CNOT4: variants seen among roughly 807,000 people sequenced by gnomAD.
CNOT4 encodes the protein CCR4-associated factor 4.
A neutral mutation model predicts 73.8 loss-of-function variants in CNOT4; 8 were observed. The observed-to-expected ratio is 0.11, with a 90% CI of 0.06 to 0.20. CNOT4 has a LOEUF of 0.20. Ranked by LOEUF, CNOT4 falls within the 10% of genes least tolerant of loss-of-function variation. The probability of loss-of-function intolerance (pLI) is 1.00; values close to 1 mark genes in which losing one functional copy is unlikely to be tolerated. For missense variants in CNOT4, 564 were observed against 883.4 expected (o/e 0.64, Z 4.58); for synonymous variants, 293 against 321.1 (o/e 0.91, Z 0.94).
At chr7:135,399,716 G>A (rs1394604164) in intron 7 of CNOT4, among the ~76,000 whole-genome samples, 2 of 152,016 alleles carry the variant, frequency 1.3e-5, no homozygotes, top group East Asian at 3.9e-4. Flanking sequence ...TGAATCCCAG[G>A]TGCATCTTCT....
intron 2 of CNOT4, among the ~76,000 whole-genome samples, chr7:135,433,060 G>A (rs941378555): frequency 1.9e-4 from 29 of 152,178 alleles, no homozygotes; most frequent in African/African-American, 7.0e-4. Context: ...AATATTCTTC[G>A]ATCATATTCT....
In CNOT4 at chr7:135,395,737, G is replaced by A; in HGVS notation, c.1026C>T (p.Arg342=). Residue 342 remains arginine (R), a synonymous_variant, in exon 9 of 12, where the codon CGC becomes CGT. Transcript: ENST00000541284. ...GCCCACTTGGGATAGGGTTGGGATG[G>A]CGAAAATTGTCTGAGAATAACGACT... The part of the protein sequence containing the change: ...ESQSLFSDNF[R]HPNPIPSGLP... The A allele has an allele frequency of 8.1e-6, 13 of 1,614,100 alleles. No individual in the cohort carries two copies. Among genetic ancestry groups the A allele is most frequent in the South Asian group, 1.1e-5 (1 of 91,084 alleles).
intron 1 of CNOT4, among the ~76,000 whole-genome samples, chr7:135,470,074 C>A (rs1209576560): frequency 2.0e-5 from 3 of 152,026 alleles, no homozygotes; most frequent in African/African-American, 7.3e-5. Context: ...CCACCCTCCT[C>A]AGCCTCCCAA....
intron 1 of CNOT4, among the ~76,000 whole-genome samples, chr7:135,504,483 T>A (rs1563088768): frequency 1.7e-5 from 1 of 58,328 alleles, no homozygotes; most frequent in Non-Finnish European, 3.5e-5. Flanking sequence ...TTTTTTTTTT[T>A]TTTTTTATTT....
intron 1 of CNOT4, among the ~76,000 whole-genome samples, chr7:135,484,330 A>G (rs1471521671): frequency 6.6e-6 from 1 of 152,198 alleles, no homozygotes; most frequent in African/African-American, 2.4e-5. Flanking sequence ...ACAAGAAAAT[A>G]AAAGGCAAAC....
chr7:135,376,954 T>A (rs1385694658), intron 10 of CNOT4, among the ~76,000 whole-genome samples: 1 of 152,170 alleles, frequency 6.6e-6, no homozygotes, highest in Non-Finnish European at 1.5e-5. Context: ...CAGAAAATGA[T>A]ATAACTTCAT....
chr7:135,362,745 G>C lies in CNOT4; in HGVS notation c.*140C>G. 1.2e-6 allele frequency: 1 copy of C among 832,024 alleles called. No individual in the cohort carries two copies. The highest frequency in any genetic ancestry group is 2.1e-6 in the Non-Finnish European group (1 of 475,862). 51.5% of individuals were successfully genotyped at this position (832,024 alleles called of 1,614,324 possible). On this transcript the variant is annotated 3_prime_UTR_variant, in exon 12 of 12. Coordinates refer to ENST00000541284, the MANE Select transcript of CNOT4 (RefSeq NM_001190850.2). The stretch of plus-strand genomic sequence containing the variant: ...TGACCCTGTGATCGCATTGCATCTG[G>C]GGTTAGGGAGAAAAAAAATTGATCA...
chr7:135,430,007 T>C (rs1256633002), intron 2 of CNOT4, among the ~76,000 whole-genome samples: 1 of 152,298 alleles, frequency 6.6e-6, no homozygotes, highest in East Asian at 1.9e-4. Context: ...GAGGTCTACA[T>C]ACAGGAATAT....
intron 1 of CNOT4, among the ~76,000 whole-genome samples, chr7:135,467,770 A>G (rs1334647474): frequency 6.6e-6 from 1 of 152,120 alleles, no homozygotes; most frequent in East Asian, 1.9e-4. Flanking sequence ...ATATCTGAGG[A>G]AACACAGTGT....
At chr7:135,443,120 G>A (rs1430684095) in intron 1 of CNOT4, among the ~76,000 whole-genome samples, 1 of 151,642 alleles carries the variant, frequency 6.6e-6, no homozygotes, top group East Asian at 1.9e-4. Flanking sequence ...GGAGGCCAAG[G>A]CAGATGGATC....
At chr7:135,389,157 C>CAAAAAAAAAAAAAAAAAAAAAAACAAA (rs11292254) in intron 10 of CNOT4, among the ~76,000 whole-genome samples, 1 of 83,670 alleles carries the variant, frequency 1.2e-5, no homozygotes, top group Non-Finnish European at 2.4e-5. Flanking sequence ...AACATACTAC[C>CAAAAAAAAAAAAAAAAAAAAAAACAAA]AAAAAAAAAA....
At chr7:135,444,799 A>G (rs1799716596) in intron 1 of CNOT4, 1 of 1,601,600 alleles carries the variant, frequency 6.2e-7, no homozygotes, top group South Asian at 1.1e-5. Flanking sequence ...GACTATGTTC[A>G]TGGGGATGCC....
chr7:135,490,176 T>G (rs3812295), intron 1 of CNOT4, among the ~76,000 whole-genome samples: 3,404 of 152,352 alleles, frequency 0.022, 124 homozygotes, highest in African/African-American at 0.07. Flanking sequence ...AGTATCAATT[T>G]CCCTTTTGCT....
rs1585709531 is a variant in CNOT4 at position 135,479,537 on chromosome 7, C to G, written c.-93+30352G>C. Among the ~76,000 whole-genome samples the G allele has an allele frequency of 5.3e-5, 8 of 151,916 alleles. No homozygotes were observed. In the South Asian group the frequency reaches 1.7e-3, roughly 32 times the overall value. ...ACCAAGTATTTTAATCCTCACCAAT[C>G]TAAAACATAAATACTGGAGTTATTA... is the stretch of plus-strand genomic sequence containing the variant. On this transcript the variant is annotated intron_variant, in intron 1 of 11. Coordinates refer to ENST00000541284, the MANE Select transcript of CNOT4 (RefSeq NM_001190850.2).
chr7:135,451,495 A>AT (rs1432794434), intron 1 of CNOT4, among the ~76,000 whole-genome samples: 2 of 152,002 alleles, frequency 1.3e-5, no homozygotes, highest in Non-Finnish European at 2.9e-5. Context: ...GGTTTCATAC[A>AT]TTGGACAGGG....
At chr7:135,403,729 AAAAT>A (rs1242479771) in intron 7 of CNOT4, among the ~76,000 whole-genome samples, 1 of 152,270 alleles carries the variant, frequency 6.6e-6, no homozygotes, top group African/African-American at 2.4e-5. Flanking sequence ...AACATGAATG[AAAAT>A]AAATGTTTTG....
In CNOT4 at chr7:135,422,173, G is replaced by A. The variant is rs1798230841; in HGVS notation, c.355C>T (p.Arg119Cys). The A allele has an allele frequency of 3.7e-6, 6 of 1,607,772 alleles. No individual in the cohort carries two copies. The highest frequency in any genetic ancestry group is 4.3e-6 in the Non-Finnish European group (5 of 1,174,312). ...GGACTTACCTCTGGGTCTGCTAGGC[G>A]CTGAGATAAACCTACAACAAAGACG... ...NLVFVVGLSQ[R>C]LADPEVLKRP... Residue 119 changes from arginine (R) to cysteine (C), a missense_variant, in exon 3 of 12, where the codon CGC becomes TGC. By Grantham distance (180) the Arg-to-Cys change is radical. Transcript: ENST00000541284.
chr7:135,416,420 TG>T (rs1797874771), intron 3 of CNOT4, among the ~76,000 whole-genome samples: 1 of 152,150 alleles, frequency 6.6e-6, no homozygotes, highest in African/African-American at 2.4e-5. Flanking sequence ...CCAATTCTAA[TG>T]GATTAGAAGG....
At chr7:135,468,080 G>C (rs1460811172) in intron 1 of CNOT4, among the ~76,000 whole-genome samples, 1 of 152,022 alleles carries the variant, frequency 6.6e-6, no homozygotes, top group Admixed American at 6.6e-5. Flanking sequence ...GCCAGGCTTG[G>C]TGGCAGGCGC....
Sources: allele counts gnomAD v4.1 joint callset (sites outside exome capture counted in the v4.1 genomes callset), GRCh38; gene constraint gnomAD v4.1.1; transcripts MANE v1.5; gene names NCBI Gene and HGNC (gene_info 2026-07-23, HGNC 2026-07-21).